Variants in RANBP6 observed in about 807,000 individuals in gnomAD.
RANBP6 encodes RAN binding protein 6.
RANBP6 carries 10 observed loss-of-function variants against 35.3 expected under a neutral mutation model. That is an observed-to-expected ratio of 0.28 (90% CI 0.17 to 0.48). The LOEUF (loss-of-function observed/expected upper bound fraction) is 0.48, where lower values mean the gene tolerates loss of function less well. Among genes scored for constraint, RANBP6 ranks in the 20% least tolerant of loss-of-function variants. RANBP6 has a pLI of 0.99. For missense variants in RANBP6, 1,392 were observed against 1,307.7 expected (o/e 1.06, Z -0.99); for synonymous variants, 514 against 464.2 (o/e 1.11, Z -1.38).
Position 6,015,613 on chromosome 9 carries a change from T to G in RANBP6, c.-6A>C. ...GCAGACGCGGTTGCCGCCATTGCGCTCTGTCAAAGCTACCGCGACCGGGAA... is the reference window on the plus strand; with the variant it reads ...GCAGACGCGGTTGCCGCCATTGCGCGCTGTCAAAGCTACCGCGACCGGGAA... On this transcript the variant is annotated 5_prime_UTR_variant, in exon 1 of 1. Transcript: ENST00000259569. 1 of 1,586,756 alleles carries G rather than the reference T, an allele frequency of 6.3e-7. No homozygotes were observed. Among genetic ancestry groups the G allele is most frequent in the African/African-American group, 1.3e-5 (1 of 74,642 alleles).
rs1434502839 is a variant in RANBP6, at chr9:6,013,619, A to G, written c.1989T>C (p.Asp663=). The part of the protein sequence containing the change: ...TQDVENMSDD[D]GWQFVNLGDQ... The stretch of plus-strand genomic sequence containing the variant: ...CTCCAAGATTTACAAATTGCCAGCC[A>G]TCATCGTCACTCATATTTTCCACAT... Residue 663 remains aspartate (D), a synonymous_variant, in exon 1 of 1, where the codon GAT becomes GAC. Transcript: ENST00000259569. The G allele has an allele frequency of 1.2e-6, 2 of 1,614,258 alleles. No homozygotes were observed. The highest frequency in any genetic ancestry group is 1.3e-5 in the African/African-American group (1 of 75,074).
In RANBP6 at chr9:6,014,152, G is replaced by A; in HGVS notation, c.1456C>T (p.Leu486=). The A allele has an allele frequency of 6.2e-7, 1 of 1,613,874 alleles. No homozygotes were observed. ...ACCATACTATCCACATATAGAACTA[G>A]CAATGATTTAGGGCAGTCTTCAATA... ...IFIEDCPKSL[L]VLYVDSMVKN... The change falls in exon 1 of 1, where the codon CTA becomes TTA. Residue 486 remains leucine, a synonymous_variant. Coordinates refer to ENST00000259569, the MANE Select transcript of RANBP6 (RefSeq NM_012416.4).
Position 6,012,946 on chromosome 9 carries a change from C to T in RANBP6, c.2662G>A (p.Asp888Asn). Residue 888 changes from aspartate to asparagine, a missense_variant, in exon 1 of 1, where the codon GAC becomes AAC. Coordinates refer to ENST00000259569, the MANE Select transcript of RANBP6 (RefSeq NM_012416.4). Reference sequence around the variant, plus strand: ...AATATGCACAATCCCCACTGTCTGTCTGGCCATGGCCTACTTGAACAAATT... The same window carrying T: ...AATATGCACAATCCCCACTGTCTGTTTGGCCATGGCCTACTTGAACAAATT... The part of the protein sequence containing the change: ...NLICSSRPWP[D>N]RQWGLCIFDD... The T allele has an allele frequency of 1.9e-6, 3 of 1,614,184 alleles. No homozygotes were observed. The highest frequency in any genetic ancestry group is 2.5e-6 in the Non-Finnish European group (3 of 1,180,030).
chr9:6,014,799 C>A lies in RANBP6; in HGVS notation c.809G>T (p.Ser270Ile). Residue 270 changes from serine to isoleucine, a missense_variant, in exon 1 of 1, where the codon AGT (serine) becomes ATT (isoleucine). Physicochemically the swap from Ser to Ile is moderately radical, Grantham distance 142. Transcript: ENST00000259569. ...CCTAGAGTCTCCACATAACTTCAAA[C>A]TCAACTGTAGAGTATCTTCTAAATA... ...GPYLEDTLQL[S>I]LKLCGDSRLS... 1 of 1,614,186 alleles carries A rather than the reference C, an allele frequency of 6.2e-7. No individual in the cohort carries two copies. The highest frequency in any genetic ancestry group is 1.1e-5 in the South Asian group (1 of 91,090).
chr9:6,012,556 T>G lies in RANBP6; in HGVS notation c.3052A>C (p.Ile1018Leu). 6.2e-7 allele frequency: 1 copy of G among 1,613,878 alleles called. No homozygotes were observed. Among genetic ancestry groups the G allele is most frequent in the Non-Finnish European group, 8.5e-7 (1 of 1,179,936 alleles). Reference sequence around the variant, plus strand: ...TCACAGAGAAAACTCAAAGTCTGAATAGCTTCCTCTTTATCTTCATGCAGT... The same window carrying G: ...TCACAGAGAAAACTCAAAGTCTGAAGAGCTTCCTCTTTATCTTCATGCAGT... ...LPLHEDKEEAIQTLSFLCDLI... is the reference protein window; with the variant it reads ...LPLHEDKEEALQTLSFLCDLI... Residue 1018 changes from isoleucine to leucine, a missense_variant, in exon 1 of 1, where the codon ATT becomes CTT. Transcript: ENST00000259569.
Position 6,013,235 on chromosome 9 carries a change from A to G in RANBP6, c.2373T>C (p.Gly791=), listed in dbSNP as rs774653656. Reference sequence around the variant, plus strand: ...CTTCCAAGTGTTCATCATTAAGGCAACCATCTCCCATAACTTCAATGGACT... The same window carrying G: ...CTTCCAAGTGTTCATCATTAAGGCAGCCATCTCCCATAACTTCAATGGACT... ...FAKSIEVMGD[G]CLNDEHLEEL... The change falls in exon 1 of 1, where the codon GGT becomes GGC. Residue 791 remains glycine, a synonymous_variant. Transcript: ENST00000259569. 5.0e-6 allele frequency: 8 copies of G among 1,613,954 alleles called. No individual in the cohort carries two copies. Among genetic ancestry groups the G allele is most frequent in the Non-Finnish European group, 8.5e-7 (1 of 1,180,008 alleles).
chr9:6,011,061 G>C lies in RANBP6; in HGVS notation c.*1229C>G, dbSNP rs1587501365. 1 of 152,132 alleles carries C rather than the reference G, an allele frequency of 6.6e-6. No individual in the cohort carries two copies. Among genetic ancestry groups the C allele is most frequent in the Non-Finnish European group, 1.5e-5 (1 of 68,030 alleles). The allele number at this position is 152,132 out of a possible 1,614,324, so 9.4% of individuals were successfully genotyped here. Reference sequence around the variant, plus strand: ...ACAGCAATAACAGCTACAATTTATTGAGCACTTACTAGGTCTTAAATATTT... The same window carrying C: ...ACAGCAATAACAGCTACAATTTATTCAGCACTTACTAGGTCTTAAATATTT... On this transcript the variant is annotated 3_prime_UTR_variant, in exon 1 of 1. Coordinates refer to ENST00000259569, the MANE Select transcript of RANBP6 (RefSeq NM_012416.4).
chr9:6,014,596 C>T lies in RANBP6; in HGVS notation c.1012G>A (p.Asp338Asn), dbSNP rs1293503406. Residue 338 changes from aspartate (D) to asparagine (N), a missense_variant, in exon 1 of 1, where the codon GAT becomes AAT. Asp to Asn is a conservative substitution (Grantham distance 23). Coordinates refer to ENST00000259569, the MANE Select transcript of RANBP6 (RefSeq NM_012416.4). ...GCAACTGCATTGCTGTCAAAATCAT[C>T]TTCTTCCATTTCATCAGCATTTACC... Reference protein sequence around the residue: ...DWVNADEMEEDDFDSNAVAAE... With the variant: ...DWVNADEMEENDFDSNAVAAE... 1.2e-6 allele frequency: 2 copies of T among 1,614,098 alleles called. No homozygotes were observed. Among genetic ancestry groups the T allele is most frequent in the Non-Finnish European group, 1.7e-6 (2 of 1,180,052 alleles).
In RANBP6 at chr9:6,013,758, G is replaced by A. The variant is rs1842521331; in HGVS notation, c.1850C>T (p.Ala617Val). ...TTTTCCAAGAATTTTACACATTCTA[G>A]CCCATGCTGAAACCATGTAAGAGGT... ...PQTSYMVSAW[A>V]RMCKILGKDF... is the part of the protein sequence containing the mutation. The change falls in exon 1 of 1, where the codon GCT (alanine) becomes GTT (valine). Residue 617 changes from alanine (A) to valine (V), a missense_variant. Coordinates refer to ENST00000259569, the MANE Select transcript of RANBP6 (RefSeq NM_012416.4). 1.2e-6 allele frequency: 2 copies of A among 1,613,880 alleles called. No homozygotes were observed. The highest frequency in any genetic ancestry group is 1.7e-5 in the Admixed American group (1 of 60,028).
In RANBP6 at chr9:6,014,052, T is replaced by G. The variant is rs1842529520; in HGVS notation, c.1556A>C (p.Gln519Pro). Residue 519 changes from glutamine to proline, a missense_variant, in exon 1 of 1, where the codon CAA becomes CCA. Physicochemically the swap from Gln to Pro is moderately conservative, Grantham distance 76 (BLOSUM62 -1). Transcript: ENST00000259569. The part of the protein sequence containing the change: ...IRNGTKLALE[Q>P]LVTTIASVAD... ...AACTGATGCAATGGTTGTCACAAGTTGTTCCAAAGCCAACTTAGTTCCATT... is the reference window on the plus strand; with the variant it reads ...AACTGATGCAATGGTTGTCACAAGTGGTTCCAAAGCCAACTTAGTTCCATT... 2 of 1,613,790 alleles carry G rather than the reference T, an allele frequency of 1.2e-6. No homozygotes were observed. The highest frequency in any genetic ancestry group is 4.5e-5 in the East Asian group (2 of 44,890).
chr9:6,013,910 G>A lies in RANBP6; in HGVS notation c.1698C>T (p.Ile566=), dbSNP rs199515044. 4.3e-5 allele frequency: 69 copies of A among 1,613,812 alleles called. No homozygotes were observed. Among genetic ancestry groups the A allele is most frequent in the Middle Eastern group, 1.7e-4 (1 of 6,046 alleles). The change falls in exon 1 of 1, where the codon ATC becomes ATT. Residue 566 remains isoleucine, a synonymous_variant. Coordinates refer to ENST00000259569, the MANE Select transcript of RANBP6 (RefSeq NM_012416.4). ...KELKLLRGKT[I]ECISHIGLAV... is the part of the protein sequence containing the mutation. ...CAAGACCAATATGGCTAATGCACTC[G>A]ATAGTTTTTCCTCTCAGAAGCTTGA...
chr9:6,015,478 T>G lies in RANBP6; in HGVS notation c.130A>C (p.Ile44Leu), dbSNP rs577421130. The change falls in exon 1 of 1, where the codon ATC (isoleucine) becomes CTC (leucine). Residue 44 changes from isoleucine to leucine, a missense_variant. Physicochemically the swap from Ile to Leu is conservative, Grantham distance 5. Transcript: ENST00000259569. ...RRQAEEIYEN[I>L]PGLCKTTFLL... ...AAGGTAGTCTTACACAGACCTGGGA[T>G]ATTTTCATAGATTTCCTCTGCTTGC... 18 of 1,614,140 alleles carry G rather than the reference T, an allele frequency of 1.1e-5. No homozygotes were observed. The African/African-American group carries it at 2.1e-4, about 19-fold the overall frequency.
At position 6,012,026 on chromosome 9, in the gene RANBP6, T is replaced by C. The variant is rs1309714890; in HGVS notation, c.*264A>G. On this transcript the variant is annotated 3_prime_UTR_variant, in exon 1 of 1. Transcript: ENST00000259569. ...TTCAAACAAATAGCAACAATTTATATACTTTACATCAACTAGGGGAAAGGT... is the reference window on the plus strand; with the variant it reads ...TTCAAACAAATAGCAACAATTTATACACTTTACATCAACTAGGGGAAAGGT... 1 of 290,268 alleles carries C rather than the reference T, an allele frequency of 3.4e-6. No homozygotes were observed. Among genetic ancestry groups the C allele is most frequent in the East Asian group, 6.2e-5 (1 of 16,208 alleles). The allele number at this position is 290,268 out of a possible 1,614,324, so 18.0% of individuals were successfully genotyped here.
Position 6,014,438 on chromosome 9 carries a change from T to C in RANBP6, c.1170A>G (p.Leu390=). ...WKYRHAGLMA[L]SAIGEGCHQQ... ...GATGGCATCCTTCTCCAATGGCAGA[T>C]AAGGCCATTAATCCAGCATGTCGAT... Residue 390 remains leucine, a synonymous_variant, in exon 1 of 1, where the codon TTA becomes TTG. Transcript: ENST00000259569. 6.2e-7 allele frequency: 1 copy of C among 1,614,218 alleles called. No individual in the cohort carries two copies. The highest frequency in any genetic ancestry group is 1.1e-5 in the South Asian group (1 of 91,086).
At position 6,014,779 on chromosome 9, in the gene RANBP6, A is replaced by G. The variant is rs1162388796; in HGVS notation, c.829T>C (p.Ser277Pro). ...LQLSLKLCGDSRLSNLQRQLA... is the reference protein window; with the variant it reads ...LQLSLKLCGDPRLSNLQRQLA... ...TGGCGCTGCAGATTACTAAGCCTAG[A>G]GTCTCCACATAACTTCAAACTCAAC... The change falls in exon 1 of 1, where the codon TCT becomes CCT. Residue 277 changes from serine to proline, a missense_variant. By Grantham distance (74) the Ser-to-Pro change is moderately conservative. Transcript: ENST00000259569. 2.5e-6 allele frequency: 4 copies of G among 1,614,116 alleles called. No homozygotes were observed. The African/African-American group carries it at 5.3e-5, about 22-fold the overall frequency.
chr9:6,015,584 C>A lies in RANBP6; in HGVS notation c.24G>T (p.Gly8=). 6.2e-7 allele frequency: 1 copy of A among 1,600,634 alleles called. No individual in the cohort carries two copies. Among genetic ancestry groups the A allele is most frequent in the Non-Finnish European group, 8.5e-7 (1 of 1,178,308 alleles). ...GCTTTTCTGACACGGTCGCCGGCAC[C>A]CCTGCAGACGCGGTTGCCGCCATTG... MAATASA[G]VPATVSEKQE... Residue 8 remains glycine (G), a synonymous_variant, in exon 1 of 1, where the codon GGG becomes GGT. Transcript: ENST00000259569.
chr9:6,015,445 C>T lies in RANBP6; in HGVS notation c.163G>A (p.Asp55Asn). 1 of 1,614,206 alleles carries T rather than the reference C, an allele frequency of 6.2e-7. No homozygotes were observed. The highest frequency in any genetic ancestry group is 2.2e-5 in the East Asian group (1 of 44,884). ...CCTGCTCTTCTATTTCTGACGGCAT[C>T]TAAGAGGAAGGTAGTCTTACACAGA... ...PGLCKTTFLLDAVRNRRAGYE... is the reference protein window; with the variant it reads ...PGLCKTTFLLNAVRNRRAGYE... The change falls in exon 1 of 1, where the codon GAT (aspartate) becomes AAT (asparagine). Residue 55 changes from aspartate to asparagine, a missense_variant. Transcript: ENST00000259569.
rs772953470 is a variant in RANBP6, at chr9:6,013,696, G to A, written c.1912C>T (p.Leu638Phe). Residue 638 changes from leucine (L) to phenylalanine (F), a missense_variant, in exon 1 of 1, where the codon CTT becomes TTT. Coordinates refer to ENST00000259569, the MANE Select transcript of RANBP6 (RefSeq NM_012416.4). ...GGTTTAGCTGAAGCAGTCTTAATAA[G>A]AGGCTCGATAACCAGTGGAAGGTAC... Reference protein sequence around the residue: ...QQYLPLVIEPLIKTASAKPDV... With the variant: ...QQYLPLVIEPFIKTASAKPDV... 3.1e-6 allele frequency: 5 copies of A among 1,613,970 alleles called. No homozygotes were observed. Among genetic ancestry groups the A allele is most frequent in the African/African-American group, 2.7e-5 (2 of 74,928 alleles).
In RANBP6 at chr9:6,012,493, T is replaced by C. The variant is rs527289388; in HGVS notation, c.3115A>G (p.Asn1039Asp). 2.5e-6 allele frequency: 4 copies of C among 1,612,122 alleles called. No homozygotes were observed. The highest frequency in any genetic ancestry group is 2.2e-5 in the South Asian group (2 of 90,528). ...ATTATTTTGGGAAGATTGGAATTAT[T>C]TGGACCAATTACAACTGGGTGGTTA... ...ESNHPVVIGP[N>D]NSNLPKIISI... The change falls in exon 1 of 1, where the codon AAT becomes GAT. Residue 1039 changes from asparagine to aspartate, a missense_variant. Asn to Asp is a conservative substitution (Grantham distance 23). Transcript: ENST00000259569.
Sources: allele counts gnomAD v4.1 joint callset, GRCh38; gene constraint gnomAD v4.1.1; transcripts MANE v1.5; gene names NCBI Gene and HGNC (gene_info 2026-07-23, HGNC 2026-07-21).